Variants in SLC4A4 observed in about 807,000 individuals in gnomAD.
SLC4A4 encodes solute carrier family 4 member 4.
In SLC4A4, 27 loss-of-function variants were observed where a neutral mutation model predicts 111.5. The observed-to-expected ratio is 0.24, with a 90% CI of 0.18 to 0.33. The LOEUF (loss-of-function observed/expected upper bound fraction) is 0.33. Among genes scored for constraint, SLC4A4 ranks in the 10% least tolerant of loss-of-function variants. The pLI is 1.00. For missense variants in SLC4A4, 909 were observed against 1,315.5 expected (o/e 0.69, Z 4.78); for synonymous variants, 443 against 463.4 (o/e 0.96, Z 0.57).
At chr4:71,428,731 G>A (rs1490720814) in intron 7 of SLC4A4, among the ~76,000 whole-genome samples, 1 of 151,990 alleles carries the variant, frequency 6.6e-6, no homozygotes, top group East Asian at 1.9e-4. Flanking sequence ...CAGGAAAACA[G>A]GTGAATGTTA....
rs377094812 is a variant in SLC4A4, at chr4:71,219,415, G to A, written c.-1-17161G>A. ...ATTTACTGAATATTTTAAGCTCACC[G>A]TTGAGACCTACTTTCAAAATTTTGC... is the stretch of plus-strand genomic sequence containing the variant. On this transcript the variant is annotated intron_variant, in intron 1 of 25. Coordinates refer to ENST00000264485, the MANE Select transcript of SLC4A4 (RefSeq NM_001098484.3). Among the ~76,000 whole-genome samples the A allele has an allele frequency of 1.3e-3, 201 of 152,280 alleles. 4 individuals are homozygous for A. The South Asian group carries it at 0.033, about 25-fold the overall frequency.
At chr4:71,354,631 T>C (rs1730123130) in intron 5 of SLC4A4, among the ~76,000 whole-genome samples, 1 of 152,242 alleles carries the variant, frequency 6.6e-6, no homozygotes, top group South Asian at 2.1e-4. Flanking sequence ...TCCATTCTTC[T>C]GTCACATGGC....
chr4:71,544,297 A>G (rs1735314973), intron 18 of SLC4A4, among the ~76,000 whole-genome samples: 1 of 152,066 alleles, frequency 6.6e-6, no homozygotes, highest in Non-Finnish European at 1.5e-5. Context: ...GAGAGAAAGA[A>G]CAAAGGAAGA....
chr4:71,344,686 C>A (rs537733597), intron 4 of SLC4A4, among the ~76,000 whole-genome samples: 1 of 152,244 alleles, frequency 6.6e-6, no homozygotes, highest in South Asian at 2.1e-4. Context: ...ATCCTTCTTT[C>A]TCTTTTAAGA....
At chr4:71,181,594 T>C (rs917644167) in intron 2 of SLC4A4, among the ~76,000 whole-genome samples, 2 of 152,170 alleles carry the variant, frequency 1.3e-5, no homozygotes, top group Admixed American at 6.5e-5. Flanking sequence ...AATAGAAATA[T>C]ATCCTGGGTA....
At chr4:71,547,530 C>T (rs1165530991) in intron 19 of SLC4A4, 118 bp from the exon 20 acceptor site, 2 of 826,158 alleles carry the variant, frequency 2.4e-6, no homozygotes, top group African/African-American at 3.4e-5. Flanking sequence ...ATATCAACAC[C>T]TTTGTTGTTT....
chr4:71,282,502 C>T (rs554655212), intron 3 of SLC4A4, among the ~76,000 whole-genome samples: 1 of 150,364 alleles, frequency 6.7e-6, no homozygotes, highest in Admixed American at 6.6e-5. Context: ...TCAGGCTGGT[C>T]ACGAACACCT....
intron 1 of SLC4A4, among the ~76,000 whole-genome samples, chr4:71,209,633 A>T (rs749286176): frequency 6.6e-6 from 1 of 152,172 alleles, no homozygotes; most frequent in Non-Finnish European, 1.5e-5. Flanking sequence ...CTGCAGTTGC[A>T]TATCAATTGG....
chr4:71,357,704 A>T (rs1307258931), intron 6 of SLC4A4, among the ~76,000 whole-genome samples: 1 of 152,194 alleles, frequency 6.6e-6, no homozygotes, highest in Non-Finnish European at 1.5e-5. Flanking sequence ...TAATAAAACC[A>T]ATCTGCTTTC....
intron 23 of SLC4A4, among the ~76,000 whole-genome samples, chr4:71,562,945 C>T (rs936550965): frequency 6.6e-6 from 1 of 151,626 alleles, no homozygotes; most frequent in African/African-American, 2.4e-5. Context: ...TTATTTTCAA[C>T]TAAAAACCAT....
chr4:71,522,376 C>G (rs943046110), intron 16 of SLC4A4, among the ~76,000 whole-genome samples: 1 of 152,146 alleles, frequency 6.6e-6, no homozygotes, highest in Admixed American at 6.5e-5. Context: ...AAACATGGAA[C>G]AAAGATGCCA....
chr4:71,392,075 T>G (rs774133779), intron 6 of SLC4A4, among the ~76,000 whole-genome samples: 1 of 152,220 alleles, frequency 6.6e-6, no homozygotes, highest in Middle Eastern at 3.4e-3. Flanking sequence ...AGGAACCTGT[T>G]TTCCAACACC....
At chr4:71,240,809 A>AT (rs1324036904) in intron 2 of SLC4A4, among the ~76,000 whole-genome samples, 2 of 152,280 alleles carry the variant, frequency 1.3e-5, no homozygotes, top group South Asian at 2.1e-4. Flanking sequence ...TATTTTTTAA[A>AT]TTTTTTTGTT....
chr4:71,503,285 G>T (rs1578059811), intron 16 of SLC4A4, among the ~76,000 whole-genome samples: 3 of 145,690 alleles, frequency 2.1e-5, no homozygotes, highest in Admixed American at 6.8e-5. Flanking sequence ...TCTTTTCATT[G>T]GAGAACTTAA....
chr4:71,272,375 T>C (rs1433032622), intron 3 of SLC4A4, among the ~76,000 whole-genome samples: 4 of 152,190 alleles, frequency 2.6e-5, no homozygotes, highest in Non-Finnish European at 4.4e-5. Flanking sequence ...ATTTCCATTT[T>C]GTAGATAAGG....
At chr4:71,135,083 A>T (rs11729471) in intron 2 of SLC4A4, among the ~76,000 whole-genome samples, 1 of 151,946 alleles carries the variant, frequency 6.6e-6, no homozygotes, top group Non-Finnish European at 1.5e-5. Flanking sequence ...GTTCTTTAGC[A>T]TAAGTTCCAT....
At chr4:71,343,746 C>A (rs1729076302) in intron 4 of SLC4A4, among the ~76,000 whole-genome samples, 2 of 152,216 alleles carry the variant, frequency 1.3e-5, no homozygotes, top group South Asian at 4.1e-4. Context: ...TAGTTGATCT[C>A]TTTTCATCTG....
chr4:71,288,896 T>G (rs1231863223), intron 3 of SLC4A4, among the ~76,000 whole-genome samples: 2 of 152,356 alleles, frequency 1.3e-5, no homozygotes, highest in East Asian at 1.9e-4. Context: ...ATTTTTTCTT[T>G]TTTTTGTATG....
At chr4:71,356,008 ATACC>A (rs1264730885) in intron 5 of SLC4A4, among the ~76,000 whole-genome samples, 6 of 152,262 alleles carry the variant, frequency 3.9e-5, no homozygotes, top group African/African-American at 1.4e-4. Context: ...GTCTACTTGC[ATACC>A]TTGAGACAGA....
Sources: gnomAD v4.1 joint callset for allele counts (sites outside exome capture counted in the v4.1 genomes callset) on GRCh38, gnomAD v4.1.1 for gene constraint, MANE v1.5 for transcripts, NCBI Gene and HGNC (gene_info 2026-07-23, HGNC 2026-07-21) for gene names.